TRPM4: variants seen among roughly 807,000 people sequenced by gnomAD.
TRPM4 encodes calcium-activated non-selective cation channel 1.
A neutral mutation model predicts 135.6 loss-of-function variants in TRPM4; 124 were observed. The ratio of observed to expected loss-of-function variants is 0.91; its 90% CI spans 0.79 to 1.06. The LOEUF is 1.06. Among genes scored for constraint, TRPM4 ranks in the 50% least tolerant of loss-of-function variants. The pLI is 0.00. For synonymous variants in TRPM4, 745 were observed against 705.6 expected (o/e 1.06, Z -0.88); for missense variants, 1,658 against 1,671.4 (o/e 0.99, Z 0.14).
intron 12 of TRPM4, among the ~76,000 whole-genome samples, chr19:49,185,518 G>T (rs1968166934): frequency 6.6e-6 from 1 of 152,108 alleles, no homozygotes; most frequent in Admixed American, 6.6e-5. Flanking sequence ...TGGGATTACA[G>T]GTGTGAGCCA....
At chr19:49,181,165 C>A (rs562246713) in intron 9 of TRPM4, among the ~76,000 whole-genome samples, 184 bp from the exon 10 acceptor site, 82 of 152,198 alleles carry the variant, frequency 5.4e-4, no homozygotes, top group African/African-American at 1.9e-3. Flanking sequence ...TGTGCTCTGG[C>A]CCTGAGCCAA....
Position 49,188,594 on chromosome 19 carries a change from C to G in TRPM4, c.1744-47C>G, listed in dbSNP as rs777496053. ...TCCCTTGACTTCAGGCTTCCTCCCCCTCTATGAACCCTCTTTGACGCATCC... is the reference window on the plus strand; with the variant it reads ...TCCCTTGACTTCAGGCTTCCTCCCCGTCTATGAACCCTCTTTGACGCATCC... On this transcript the variant is annotated intron_variant, in intron 12 of 24. Transcript: ENST00000252826. The G allele has an allele frequency of 1.2e-5, 20 of 1,613,896 alleles. No individual in the cohort carries two copies. The East Asian group carries it at 2.0e-4, about 16-fold the overall frequency.
rs538761552 is a variant in TRPM4, at chr19:49,161,944, C to T, written c.92+3685C>T. Reference sequence around the variant, plus strand: ...TGCTCCTGGCCCTGGCTACTTCTTTCTGTTGAGTTACTTGACTGGCCTCTG... The same window carrying T: ...TGCTCCTGGCCCTGGCTACTTCTTTTTGTTGAGTTACTTGACTGGCCTCTG... On this transcript the variant is annotated intron_variant, in intron 2 of 24. Transcript: ENST00000252826. Among the ~76,000 whole-genome samples, 27 of 152,232 alleles carry T rather than the reference C, an allele frequency of 1.8e-4. No individual in the cohort carries two copies. In the South Asian group the frequency reaches 3.1e-3, roughly 18 times the overall value.
chr19:49,202,739 A>G (rs1968981458), intron 20 of TRPM4, among the ~76,000 whole-genome samples: 2 of 152,154 alleles, frequency 1.3e-5, no homozygotes. Context: ...GGGTTTCACC[A>G]TGTTGGCCTT....
At chr19:49,172,184 C>A in intron 9 of TRPM4, 76 bp downstream of exon 9, 1 of 1,136,570 alleles carries the variant, frequency 8.8e-7, no homozygotes, top group Non-Finnish European at 1.3e-6. Context: ...GGCACTTCAT[C>A]CACCCTCTCT....
intron 11 of TRPM4, 25 bp downstream of exon 11, chr19:49,182,947 G>T (rs1024225281): frequency 8.2e-6 from 13 of 1,577,950 alleles, no homozygotes; most frequent in African/African-American, 6.7e-5. Flanking sequence ...AAGCTGGGGG[G>T]CCCCCCCGCG....
intron 16 of TRPM4, 24 bp downstream of exon 16, chr19:49,190,797 G>A: frequency 6.2e-7 from 1 of 1,610,590 alleles, no homozygotes; most frequent in South Asian, 1.1e-5. Flanking sequence ...CCAGCACTGT[G>A]TGAGGTGGGG....
At chr19:49,188,594 C>T (rs777496053) in intron 12 of TRPM4, 47 bp from the exon 13 acceptor site, 2 of 1,614,014 alleles carry the variant, frequency 1.2e-6, no homozygotes, top group East Asian at 2.2e-5. Context: ...CTTCCTCCCC[C>T]TCTATGAACC....
chr19:49,210,297 G>C lies in TRPM4; in HGVS notation c.3220G>C (p.Ala1074Pro). ...CATCCGGGAATTCCACTCTCGGCCC[G>C]CGCTGGCCCCGCCCTTTATCGTCAT... is the stretch of plus-strand genomic sequence containing the variant. ...RLIREFHSRP[A>P]LAPPFIVISH... Residue 1074 changes from alanine to proline, a missense_variant, in exon 21 of 25, where the codon GCG (alanine) becomes CCG (proline). By Grantham distance (27) the Ala-to-Pro change is conservative (BLOSUM62 -1). This residue lies in a region of TRPM4 where 1,412 missense variants were observed against 1,408.7 expected (regional missense o/e 1.00). Coordinates refer to ENST00000252826, the MANE Select transcript of TRPM4 (RefSeq NM_017636.4). The surrounding 1 kb of genome is among the most constrained non-coding windows in gnomAD (Gnocchi z 4.1). 1 of 1,614,210 alleles carries C rather than the reference G, an allele frequency of 6.2e-7. No individual in the cohort carries two copies. The highest frequency in any genetic ancestry group is 8.5e-7 in the Non-Finnish European group (1 of 1,180,042).
intron 10 of TRPM4, 69 bp downstream of exon 10, chr19:49,181,530 CT>C (rs35727661): frequency 0.13 from 67,263 of 504,956 alleles, 13 homozygotes; most frequent in East Asian, 0.17. Context: ...TCTCTGCCTT[CT>C]TTTTTTTTTT....
At chr19:49,190,438 G>A in intron 15 of TRPM4, 118 bp downstream of exon 15, 1 of 968,678 alleles carries the variant, frequency 1.0e-6, no homozygotes, top group South Asian at 1.4e-5. Context: ...CCCTAGGAAT[G>A]GGACTCTCTG....
At chr19:49,209,174 G>A (rs1175551929) in intron 20 of TRPM4, among the ~76,000 whole-genome samples, 1 of 152,060 alleles carries the variant, frequency 6.6e-6, no homozygotes, top group Non-Finnish European at 1.5e-5. Context: ...AGATTTGCTT[G>A]TATTTTTTCA....
Position 49,202,124 on chromosome 19 carries a change from G to A in TRPM4, c.3114G>A (p.Leu1038=). The A allele has an allele frequency of 6.2e-7, 1 of 1,614,006 alleles. No homozygotes were observed. Among genetic ancestry groups the A allele is most frequent in the Non-Finnish European group, 8.5e-7 (1 of 1,180,026 alleles). Reference sequence around the variant, plus strand: ...TGGCCAACATCCTGCTGGTCAACTTGCTCATTGCCATGTTCAGGTGAGGCC... The same window carrying A: ...TGGCCAACATCCTGCTGGTCAACTTACTCATTGCCATGTTCAGGTGAGGCC... ...LLVANILLVN[L]LIAMFSYTFG... is the part of the protein sequence containing the mutation. The change falls in exon 20 of 25, where the codon TTG becomes TTA. Residue 1038 remains leucine, a synonymous_variant. Coordinates refer to ENST00000252826, the MANE Select transcript of TRPM4 (RefSeq NM_017636.4).
chr19:49,201,009 T>C (rs1227210429), intron 19 of TRPM4, among the ~76,000 whole-genome samples: 3 of 151,416 alleles, frequency 2.0e-5, no homozygotes, highest in African/African-American at 7.3e-5. Flanking sequence ...TCTTTTTTTT[T>C]TTCTTTTTTT....
chr19:49,183,225 T>G lies in TRPM4; in HGVS notation c.1743+13T>G, dbSNP rs187115349. The stretch of plus-strand genomic sequence containing the variant: ...CTTCTGGGAGATGGTGAGTGCTGAC[T>G]TGGCGCTCCTGCATCCCTGTCCTTT... On this transcript the variant is annotated intron_variant, in intron 12 of 24. Coordinates refer to ENST00000252826, the MANE Select transcript of TRPM4 (RefSeq NM_017636.4). 3 of 1,614,044 alleles carry G rather than the reference T, an allele frequency of 1.9e-6. No homozygotes were observed. The Admixed American group carries it at 5.0e-5, about 27-fold the overall frequency.
intron 9 of TRPM4, among the ~76,000 whole-genome samples, chr19:49,174,048 T>A (rs1967577029): frequency 6.6e-6 from 1 of 152,006 alleles, no homozygotes; most frequent in Non-Finnish European, 1.5e-5. Flanking sequence ...AGACCCCAGA[T>A]CCCACTAGGA....
At chr19:49,165,669 TGA>T (rs1047995724) in intron 2 of TRPM4, among the ~76,000 whole-genome samples, 7 of 152,324 alleles carry the variant, frequency 4.6e-5, no homozygotes, top group African/African-American at 1.7e-4. Flanking sequence ...GGGCTCTCCC[TGA>T]GTTACCCGCT....
chr19:49,165,942 T>C (rs987363395), intron 2 of TRPM4, 99 bp from the exon 3 acceptor site: 8 of 1,235,442 alleles, frequency 6.5e-6, no homozygotes, highest in African/African-American at 1.5e-5. Flanking sequence ...GGGTGTGGAC[T>C]CAGTGTCGAC....
rs767972673 is a variant in TRPM4, at chr19:49,158,205, A to G, written c.38A>G (p.Lys13Arg). ...VPEKEQSWIP[K>R]IFKKKTCTTF... The stretch of plus-strand genomic sequence containing the variant: ...TCCTGTCCCCAGAGCTGGATCCCCA[A>G]GATCTTCAAGAAGAAGACCTGCACG... The change falls in exon 2 of 25, where the codon AAG (lysine) becomes AGG (arginine). Residue 13 changes from lysine (K) to arginine (R), a missense_variant. Lys to Arg is a conservative substitution (Grantham distance 26). Transcript: ENST00000252826. The G allele has an allele frequency of 1.9e-6, 3 of 1,613,774 alleles. No individual in the cohort carries two copies. The African/African-American group carries it at 4.0e-5, about 22-fold the overall frequency.
Sources: gnomAD v4.1 joint callset for allele counts (sites outside exome capture counted in the v4.1 genomes callset) on GRCh38, gnomAD v4.1.1 for gene constraint, gnomAD v4.1.1 regional missense constraint, Gnocchi (gnomAD v3.1) non-coding constraint, MANE v1.5 for transcripts, NCBI Gene and HGNC (gene_info 2026-07-23, HGNC 2026-07-21) for gene names.